The following CEP128 variants were observed in gnomAD, a reference collection of about 807,000 sequenced individuals.
CEP128 encodes the protein centrosomal protein 128kDa.
A neutral mutation model predicts 156.7 loss-of-function variants in CEP128; 132 were observed. The observed-to-expected ratio is 0.84, with a 90% CI of 0.73 to 0.97. CEP128 has a LOEUF of 0.97. Ranked by LOEUF, CEP128 falls within the 50% of genes least tolerant of loss-of-function variation. The probability of loss-of-function intolerance (pLI) is 0.00; values close to 1 mark genes in which losing one functional copy is unlikely to be tolerated. For missense variants in CEP128, 1,252 were observed against 1,281.9 expected, an observed-to-expected ratio of 0.98 and a Z score of 0.36; for synonymous variants, 469 against 448.9, an observed-to-expected ratio of 1.04 and a Z score of -0.57.
chr14:80,761,726 A>G, intron 16 of CEP128, 113 bp from the exon 17 acceptor site: 1 of 665,136 alleles, frequency 1.5e-6, no homozygotes, highest in Non-Finnish European at 2.4e-6. Context: ...ATCTGATTCC[A>G]TCAGTCCCCT....
At position 80,585,479 on chromosome 14, in the gene CEP128, T is replaced by C. The variant is rs143121018; in HGVS notation, c.2807-5056A>G. ...GTAACTTGAACCTTCCTAGGGAGACTGAAGATCAAATTGAGAAATGACTAT... is the reference window on the plus strand; with the variant it reads ...GTAACTTGAACCTTCCTAGGGAGACCGAAGATCAAATTGAGAAATGACTAT... On this transcript the variant is annotated intron_variant, in intron 19 of 24. Transcript: ENST00000555265. Among the ~76,000 whole-genome samples, 546 of 152,326 alleles carry C rather than the reference T, an allele frequency of 3.6e-3. 4 individuals are homozygous for C. The highest frequency in any genetic ancestry group is 6.6e-3 in the Non-Finnish European group (447 of 68,030).
At chr14:80,869,434 T>C (rs1212485728) in intron 8 of CEP128, among the ~76,000 whole-genome samples, 2 of 151,860 alleles carry the variant, frequency 1.3e-5, no homozygotes, top group African/African-American at 4.8e-5. Flanking sequence ...ACACCAAAAC[T>C]TATGGGATGC....
At chr14:80,925,731 T>C (rs1445776975) in intron 2 of CEP128, among the ~76,000 whole-genome samples, 2 of 151,966 alleles carry the variant, frequency 1.3e-5, no homozygotes, top group African/African-American at 2.4e-5. Flanking sequence ...TAAAAAACAC[T>C]GAAAGAAACC....
At chr14:80,564,194 A>G (rs7149425) in intron 20 of CEP128, among the ~76,000 whole-genome samples, 24,867 of 152,208 alleles carry the variant, frequency 0.16, 2,278 homozygotes, top group East Asian at 0.19. Flanking sequence ...GGGAAAGTTT[A>G]TGAAACACCT....
Position 80,914,340 on chromosome 14 carries a change from C to T in CEP128, c.216G>A (p.Gln72=). 1 of 1,613,546 alleles carries T rather than the reference C, an allele frequency of 6.2e-7. No individual in the cohort carries two copies. ...TTCTCACATGTTCTATCGCACCCGC[C>T]TGTCCATTACTGTATTCTCGGTATC... ...LGRYREYSNG[Q]AGAIEHLKES... The change falls in exon 4 of 25, where the codon CAG becomes CAA. Residue 72 remains glutamine (Q), a synonymous_variant. Coordinates refer to ENST00000555265, the MANE Select transcript of CEP128 (RefSeq NM_152446.5).
chr14:80,691,968 G>GT, intron 19 of CEP128, among the ~76,000 whole-genome samples: 2 of 152,236 alleles, frequency 1.3e-5, no homozygotes, highest in Admixed American at 1.3e-4. Context: ...CACAAATCAA[G>GT]TAAGTAGGAC....
In CEP128 at chr14:80,784,950, A is replaced by G; in HGVS notation, c.2156T>C (p.Met719Thr). Reference protein sequence around the residue: ...TKHEQNIQELMKHFKKEKSEA... With the variant: ...TKHEQNIQELTKHFKKEKSEA... ...ACTCTTTTCTTTCTTAAAGTGCTTC[A>G]TAAGCTCCTGGATATTCTGTTCGTG... The change falls in exon 15 of 25, where the codon ATG (methionine) becomes ACG (threonine). Residue 719 changes from methionine (M) to threonine (T), a missense_variant. By Grantham distance (81) the Met-to-Thr change is moderately conservative (BLOSUM62 -1). Transcript: ENST00000555265. 10 of 1,614,034 alleles carry G rather than the reference A, an allele frequency of 6.2e-6. No homozygotes were observed. The highest frequency in any genetic ancestry group is 1.1e-5 in the South Asian group (1 of 91,048).
intron 4 of CEP128, 52 bp downstream of exon 4, chr14:80,914,270 T>C (rs1444708779): frequency 7.3e-7 from 1 of 1,367,318 alleles, no homozygotes; most frequent in East Asian, 2.3e-5. Context: ...CCAAAACACT[T>C]CATTCCCAAA....
intron 19 of CEP128, among the ~76,000 whole-genome samples, chr14:80,664,089 G>A (rs1326740812): frequency 6.6e-6 from 1 of 152,142 alleles, no homozygotes; most frequent in African/African-American, 2.4e-5. Flanking sequence ...CACTTCTAGG[G>A]CTCATTTGCC....
chr14:80,486,263 G>A (rs1290506931), downstream of CEP128, among the ~76,000 whole-genome samples: 1 of 152,138 alleles, frequency 6.6e-6, no homozygotes, highest in Non-Finnish European at 1.5e-5. Flanking sequence ...GGAAGAAAGG[G>A]TATCAGTGAT....
At chr14:80,765,892 C>T (rs936805503) in intron 16 of CEP128, among the ~76,000 whole-genome samples, 1 of 152,166 alleles carries the variant, frequency 6.6e-6, no homozygotes, top group African/African-American at 2.4e-5. Flanking sequence ...GCTAGAAAGG[C>T]TGAGGCCTTA....
At chr14:80,480,435 A>G (rs7152517) in intron 14 of CEP128, among the ~76,000 whole-genome samples, 151,099 of 152,196 alleles carry the variant, frequency 0.99, 75,022 homozygotes, top group Middle Eastern at 1. Context: ...AGCCCAACCC[A>G]TACACTGGCC....
intron 8 of CEP128, 138 bp from the exon 9 acceptor site, chr14:80,863,011 G>T: frequency 7.4e-6 from 4 of 538,872 alleles, no homozygotes; most frequent in Non-Finnish European, 1.3e-5. Context: ...CCCTTCTAAT[G>T]ACGCTAACAT....
intron 19 of CEP128, among the ~76,000 whole-genome samples, chr14:80,692,612 T>C (rs1896756954): frequency 6.6e-6 from 1 of 152,204 alleles, no homozygotes. Flanking sequence ...TATTCTTGAC[T>C]ATTTTAAGCA....
At chr14:80,806,993 T>A (rs1287078145) in intron 13 of CEP128, among the ~76,000 whole-genome samples, 5 of 152,102 alleles carry the variant, frequency 3.3e-5, no homozygotes, top group African/African-American at 1.2e-4. Context: ...ATTTTAAACA[T>A]GAGGAGGAAA....
chr14:80,710,422 T>C lies in CEP128; in HGVS notation c.2806+32653A>G, dbSNP rs183497142. Among the ~76,000 whole-genome samples the C allele has an allele frequency of 2.6e-5, 4 of 152,266 alleles. No homozygotes were observed. The East Asian group carries it at 5.8e-4, about 22-fold the overall frequency. On this transcript the variant is annotated intron_variant, in intron 19 of 24. Coordinates refer to ENST00000555265, the MANE Select transcript of CEP128 (RefSeq NM_152446.5). ...TCTACTTTGGTGTCAACTGAATTCA[T>C]ACACGTCTCACCACCTATGAAAATA... is the stretch of plus-strand genomic sequence containing the variant.
intron 21 of CEP128, among the ~76,000 whole-genome samples, chr14:80,556,457 T>C (rs1463782926): frequency 6.6e-6 from 1 of 152,154 alleles, no homozygotes; most frequent in African/African-American, 2.4e-5. Context: ...GGCAACGCAT[T>C]TGCAAATAAA....
At chr14:80,721,665 T>C (rs1178031413) in intron 19 of CEP128, among the ~76,000 whole-genome samples, 2 of 152,228 alleles carry the variant, frequency 1.3e-5, no homozygotes, top group African/African-American at 4.8e-5. Flanking sequence ...TTATGTTTCT[T>C]TTATACAGCA....
chr14:80,800,623 G>A (rs945434263), intron 13 of CEP128, among the ~76,000 whole-genome samples: 10 of 152,286 alleles, frequency 6.6e-5, no homozygotes, highest in Middle Eastern at 3.4e-3. Flanking sequence ...AGGAACTCCT[G>A]AAGAGGAATC....
Sources: gnomAD v4.1 joint callset for allele counts (sites outside exome capture counted in the v4.1 genomes callset) on GRCh38, gnomAD v4.1.1 for gene constraint, MANE v1.5 for transcripts, NCBI Gene and HGNC (gene_info 2026-07-23, HGNC 2026-07-21) for gene names.